EIF2B3: variants seen among roughly 807,000 people sequenced by gnomAD.
EIF2B3 encodes translation initiation factor eIF2B subunit gamma.
In EIF2B3, 20 loss-of-function variants were observed where a neutral mutation model predicts 54.1. The ratio of observed to expected loss-of-function variants is 0.37; its 90% CI spans 0.26 to 0.54. EIF2B3 has a LOEUF of 0.54. Ranked by LOEUF, EIF2B3 falls within the 20% of genes least tolerant of loss-of-function variation. The pLI is 0.86. For missense variants in EIF2B3, 448 were observed against 547.8 expected, an observed-to-expected ratio of 0.82 and a Z score of 1.82; for synonymous variants, 153 against 188.1, an observed-to-expected ratio of 0.81 and a Z score of 1.52.
chr1:44,945,398 C>T lies in EIF2B3; in HGVS notation c.295-3733G>A, dbSNP rs192143345. Reference sequence around the variant, plus strand: ...TGAAACCTCGTCTCTACTAAAAGTACAAAAAATCAGCAGGGCGTGGTGGCA... The same window carrying T: ...TGAAACCTCGTCTCTACTAAAAGTATAAAAAATCAGCAGGGCGTGGTGGCA... On this transcript the variant is annotated intron_variant, in intron 3 of 11. Coordinates refer to ENST00000360403, the MANE Select transcript of EIF2B3 (RefSeq NM_020365.5). Among the ~76,000 whole-genome samples, 214 of 151,628 alleles carry T rather than the reference C, an allele frequency of 1.4e-3. 3 individuals are homozygous for T. The highest frequency in any genetic ancestry group is 2.6e-3 in the Admixed American group (40 of 15,180).
chr1:44,927,148 A>AAAC (rs1643863312), intron 4 of EIF2B3, among the ~76,000 whole-genome samples: 1 of 152,120 alleles, frequency 6.6e-6, no homozygotes, highest in Non-Finnish European at 1.5e-5. Context: ...CAAAAAAAAA[A>AAAC]AACAGGATTG....
In EIF2B3 at chr1:44,902,783, G is replaced by A. The variant is rs150627305; in HGVS notation, c.567-5339C>T. Among the ~76,000 whole-genome samples the A allele has an allele frequency of 7.1e-3, 980 of 138,292 alleles. 8 individuals are homozygous for A. Among genetic ancestry groups the A allele is most frequent in the Middle Eastern group, 0.016 (4 of 254 alleles). The allele number at this position is 138,292 out of a possible 152,430, so 90.7% of individuals were successfully genotyped here. A position where few individuals can be genotyped will look rare whatever the true frequency, so the allele number is the denominator to read the frequency against. On this transcript the variant is annotated intron_variant, in intron 5 of 11. Transcript: ENST00000360403. ...CTCGAGGCTGCTGCGAGCCATGAAC[G>A]TGCTACTGCACTCCAGCCTGGGCAA...
intron 10 of EIF2B3, among the ~76,000 whole-genome samples, chr1:44,870,656 G>GT (rs112585793): frequency 0.15 from 22,188 of 143,326 alleles, 1,827 homozygotes; most frequent in East Asian, 0.2. Flanking sequence ...CAGTTCTCAG[G>GT]TTTTTTTTTT....
intron 5 of EIF2B3, among the ~76,000 whole-genome samples, chr1:44,915,125 CCT>C (rs1643595720): frequency 6.6e-6 from 1 of 151,430 alleles, no homozygotes; most frequent in African/African-American, 2.4e-5. Context: ...ATGGTGAAAC[CCT>C]GTCTCTACTT....
intron 5 of EIF2B3, among the ~76,000 whole-genome samples, chr1:44,919,715 CT>C (rs777128961): frequency 1.8e-3 from 204 of 115,868 alleles, no homozygotes; most frequent in Middle Eastern, 4.3e-3. Context: ...ATTGAATGTC[CT>C]TTTTTTTTTT....
rs572056846 is a variant in EIF2B3 at position 44,885,125 on chromosome 1, C to T, written c.657-3386G>A. On this transcript the variant is annotated intron_variant, in intron 6 of 11. Coordinates refer to ENST00000360403, the MANE Select transcript of EIF2B3 (RefSeq NM_020365.5). ...ACAGTGCCCTGGTCAACCTTACTTT[C>T]TCCTTTCCCTCTTATACACAGCCTT... Among the ~76,000 whole-genome samples, 10 of 152,332 alleles carry T rather than the reference C, an allele frequency of 6.6e-5. No individual in the cohort carries two copies. In the East Asian group the frequency reaches 1.5e-3, roughly 23 times the overall value.
intron 3 of EIF2B3, among the ~76,000 whole-genome samples, chr1:44,956,991 G>A (rs528744350): frequency 5.2e-4 from 79 of 152,220 alleles, no homozygotes; most frequent in Non-Finnish European, 1.0e-3. Flanking sequence ...GGCTGGGAGT[G>A]GTGGCTCATG....
At chr1:44,862,558 G>A (rs1388952218) in intron 10 of EIF2B3, among the ~76,000 whole-genome samples, 2 of 152,140 alleles carry the variant, frequency 1.3e-5, no homozygotes, top group Non-Finnish European at 2.9e-5. Flanking sequence ...TTCAAGGGAG[G>A]AAAGGGAACT....
At chr1:44,878,341 C>T (rs1392730361) in intron 8 of EIF2B3, among the ~76,000 whole-genome samples, 1 of 152,140 alleles carries the variant, frequency 6.6e-6, no homozygotes, top group Non-Finnish European at 1.5e-5. Flanking sequence ...CAGCTTACTG[C>T]AACCTCCACC....
chr1:44,850,613 G>A lies in EIF2B3; in HGVS notation c.*338C>T. 2.6e-6 allele frequency: 1 copy of A among 386,696 alleles called. No individual in the cohort carries two copies. Among genetic ancestry groups the A allele is most frequent in the Non-Finnish European group, 4.8e-6 (1 of 209,348 alleles). 24.0% of individuals were successfully genotyped at this position (386,696 alleles called of 1,614,324 possible). A position where few individuals can be genotyped will look rare whatever the true frequency, so the allele number is the denominator to read the frequency against. The stretch of plus-strand genomic sequence containing the variant: ...TCCTTTTAGGTGAGGGATACTTTCA[G>A]GACTGGGTTGGGTCAGCCAGTCAGA... On this transcript the variant is annotated 3_prime_UTR_variant, in exon 12 of 12. Transcript: ENST00000360403.
chr1:44,978,522 A>G, intron 2 of EIF2B3, 62 bp from the exon 3 acceptor site: 1 of 1,544,906 alleles, frequency 6.5e-7, no homozygotes. Flanking sequence ...CAGTGGTTCC[A>G]TTATTTCAAT....
chr1:44,876,133 A>G (rs1655128962), intron 8 of EIF2B3, among the ~76,000 whole-genome samples: 1 of 152,148 alleles, frequency 6.6e-6, no homozygotes, highest in Non-Finnish European at 1.5e-5. Context: ...TCGGCTAGCT[A>G]CAACCACCTC....
intron 2 of EIF2B3, 78 bp from the exon 3 acceptor site, chr1:44,978,538 T>C (rs1449055073): frequency 2.0e-6 from 3 of 1,509,576 alleles, no homozygotes; most frequent in Non-Finnish European, 2.7e-6. Context: ...TCAATTAGAT[T>C]TGGTCTATTT....
At chr1:44,981,942 C>CAAAAA (rs35864275) in intron 1 of EIF2B3, among the ~76,000 whole-genome samples, 32 of 78,718 alleles carry the variant, frequency 4.1e-4, no homozygotes, top group South Asian at 9.4e-4. Context: ...GATCCTGTCT[C>CAAAAA]AAAAAAAAAA....
chr1:44,851,953 CT>C (rs10719228), intron 11 of EIF2B3, among the ~76,000 whole-genome samples: 29,321 of 143,730 alleles, frequency 0.2, 3,018 homozygotes, highest in East Asian at 0.52. Flanking sequence ...GTTTTAATCC[CT>C]TTTTTTTTTT....
chr1:44,883,314 A>G, intron 6 of EIF2B3, among the ~76,000 whole-genome samples: 1 of 152,114 alleles, frequency 6.6e-6, no homozygotes, highest in East Asian at 1.9e-4. Context: ...AACTAATAAA[A>G]GCGTACAAAT....
chr1:44,942,140 A>G, intron 3 of EIF2B3, among the ~76,000 whole-genome samples: 1 of 151,720 alleles, frequency 6.6e-6, no homozygotes, highest in Admixed American at 6.6e-5. Flanking sequence ...TCTATAGTAA[A>G]TAATTACAAT....
intron 4 of EIF2B3, among the ~76,000 whole-genome samples, chr1:44,931,839 G>A (rs542231904): frequency 6.6e-6 from 1 of 152,336 alleles, no homozygotes; most frequent in Admixed American, 6.5e-5. Flanking sequence ...ATAGTACGCT[G>A]GGCATGGTGG....
chr1:44,932,652 GA>G (rs1443438130), intron 4 of EIF2B3, among the ~76,000 whole-genome samples: 1 of 151,800 alleles, frequency 6.6e-6, no homozygotes, highest in Non-Finnish European at 1.5e-5. Flanking sequence ...CCCATCCCAA[GA>G]AAAAGAGGAA....
Sources: allele counts gnomAD v4.1 joint callset (sites outside exome capture counted in the v4.1 genomes callset), GRCh38; gene constraint gnomAD v4.1.1; transcripts MANE v1.5; gene names NCBI Gene and HGNC (gene_info 2026-07-23, HGNC 2026-07-21).